Variants in IGSF21 observed in about 807,000 individuals in gnomAD.
The protein encoded by IGSF21 is immunoglobin superfamily member 21.
IGSF21 carries 28 observed loss-of-function variants against 46.8 expected under a neutral mutation model. That is an observed-to-expected ratio of 0.60 (90% CI 0.44 to 0.82). The LOEUF (loss-of-function observed/expected upper bound fraction) is 0.82, where lower values mean the gene tolerates loss of function less well. Ranked by LOEUF, IGSF21 falls within the 40% of genes least tolerant of loss-of-function variation. IGSF21 has a pLI of 0.00. For synonymous variants in IGSF21, 284 were observed against 273.6 expected, an observed-to-expected ratio of 1.04 and a Z score of -0.38; for missense variants, 624 against 665.5, an observed-to-expected ratio of 0.94 and a Z score of 0.69.
intron 3 of IGSF21, among the ~76,000 whole-genome samples, chr1:18,303,218 AATT>A (rs2085378519): frequency 6.6e-6 from 1 of 152,146 alleles, no homozygotes; most frequent in Non-Finnish European, 1.5e-5. Context: ...CCAAATATGG[AATT>A]ATGATTTCAG....
At chr1:18,227,861 T>C in intron 1 of IGSF21, 37 bp from the exon 2 acceptor site, 1 of 1,506,352 alleles carries the variant, frequency 6.6e-7, no homozygotes, top group Non-Finnish European at 9.2e-7. Context: ...TCTGATCTGC[T>C]CGTGCCCTTA....
intron 1 of IGSF21, chr1:18,112,260 A>C (rs1194021871): frequency 6.6e-6 from 1 of 152,206 alleles, no homozygotes; most frequent in East Asian, 1.9e-4. Context: ...TGCATCCAAC[A>C]AATGCTTATT....
chr1:18,227,858 T>G, intron 1 of IGSF21, 40 bp from the exon 2 acceptor site: 1 of 1,488,102 alleles, frequency 6.7e-7, no homozygotes, highest in Non-Finnish European at 9.4e-7. Flanking sequence ...CCCTCTGATC[T>G]GCTCGTGCCC....
chr1:18,277,544 G>A (rs1037997443), intron 2 of IGSF21, among the ~76,000 whole-genome samples: 2 of 152,134 alleles, frequency 1.3e-5, no homozygotes, highest in African/African-American at 4.8e-5. Context: ...ATGAAAACGT[G>A]ACTTTTTTTA....
At chr1:18,125,921 C>A (rs573384332) in intron 1 of IGSF21, among the ~76,000 whole-genome samples, 3 of 152,254 alleles carry the variant, frequency 2.0e-5, no homozygotes, top group African/African-American at 7.2e-5. Flanking sequence ...GAAAGGTAAT[C>A]AACAACTACA....
chr1:18,111,160 T>C (rs12136260), intron 1 of IGSF21: 129,655 of 152,202 alleles, frequency 0.85, 55,379 homozygotes, highest in South Asian at 0.92. Flanking sequence ...CCCTTCCCAC[T>C]GGGCGGGGCC....
At chr1:18,213,541 C>A (rs1288644785) in intron 1 of IGSF21, among the ~76,000 whole-genome samples, 1 of 152,146 alleles carries the variant, frequency 6.6e-6, no homozygotes, top group Non-Finnish European at 1.5e-5. Context: ...AGGGGCCAAG[C>A]AGGAAAGTCA....
intron 1 of IGSF21, among the ~76,000 whole-genome samples, chr1:18,155,674 C>G (rs1570275559): frequency 6.6e-6 from 1 of 152,318 alleles, no homozygotes; most frequent in Non-Finnish European, 1.5e-5. Context: ...CTTGGCAAGC[C>G]TGAAATCAAG....
At chr1:18,344,092 C>A (rs897892575) in intron 4 of IGSF21, among the ~76,000 whole-genome samples, 4 of 152,166 alleles carry the variant, frequency 2.6e-5, no homozygotes, top group African/African-American at 9.7e-5. Context: ...AGACCAGATT[C>A]TTGAACGTGA....
At position 18,236,184 on chromosome 1, in the gene IGSF21, G is replaced by A. The variant is rs140967366; in HGVS notation, c.183+8174G>A. Among the ~76,000 whole-genome samples the A allele has an allele frequency of 6.2e-3, 947 of 152,250 alleles. 3 individuals are homozygous for A. The highest frequency in any genetic ancestry group is 0.01 in the Non-Finnish European group (682 of 68,012). On this transcript the variant is annotated intron_variant, in intron 2 of 9. Transcript: ENST00000251296. ...CCATGTGTCAAGGGTGGGGCCAGGT[G>A]GAGATAATTGAATCATGGGGGCAGC... is the stretch of plus-strand genomic sequence containing the variant.
Position 18,362,168 on chromosome 1 carries a change from C to A in IGSF21, c.478C>A (p.Arg160Ser). The A allele has an allele frequency of 6.2e-7, 1 of 1,613,272 alleles. No homozygotes were observed. The highest frequency in any genetic ancestry group is 8.5e-7 in the Non-Finnish European group (1 of 1,179,744). ...TGCTGACACACCAGCCCCCTTCAGC[C>A]GCTACCAAGCCCAGAACTTCACGCT... ...VAADTPAPFSRYQAQNFTLVC... is the reference protein window; with the variant it reads ...VAADTPAPFSSYQAQNFTLVC... Residue 160 changes from arginine (R) to serine (S), a missense_variant, in exon 5 of 10, where the codon CGC (arginine) becomes AGC (serine). Arg to Ser is a moderately radical substitution (Grantham distance 110). Coordinates refer to ENST00000251296, the MANE Select transcript of IGSF21 (RefSeq NM_032880.5).
chr1:18,346,773 G>A (rs1011292103), intron 4 of IGSF21, among the ~76,000 whole-genome samples: 2 of 152,222 alleles, frequency 1.3e-5, no homozygotes, highest in African/African-American at 4.8e-5. Context: ...AGAATGAGAA[G>A]TGGGGGGCCT....
At chr1:18,369,745 C>T (rs765315884) in intron 6 of IGSF21, among the ~76,000 whole-genome samples, 25 of 152,208 alleles carry the variant, frequency 1.6e-4, no homozygotes, top group Non-Finnish European at 3.2e-4. Flanking sequence ...AATGAGCCTT[C>T]GCTCCTCCTC....
chr1:18,169,027 A>G (rs2086708583), intron 1 of IGSF21, among the ~76,000 whole-genome samples: 1 of 152,224 alleles, frequency 6.6e-6, no homozygotes, highest in Non-Finnish European at 1.5e-5. Context: ...AGGGCACAGC[A>G]CTAACCTGTG....
chr1:18,273,462 C>CTCTTTCTTTCTT (rs200010749), intron 2 of IGSF21, among the ~76,000 whole-genome samples: 1,230 of 61,910 alleles, frequency 0.02, 57 homozygotes, highest in African/African-American at 0.031. Flanking sequence ...TTCTTTCTCT[C>CTCTTTCTTTCTT]TCTTTCTTTC....
chr1:18,147,862 C>A (rs1433453500), intron 1 of IGSF21, among the ~76,000 whole-genome samples: 2 of 152,048 alleles, frequency 1.3e-5, no homozygotes, highest in Non-Finnish European at 2.9e-5. Context: ...TCCCATGTGT[C>A]GTGGGAGGGA....
In IGSF21 at chr1:18,241,569, G is replaced by A. The variant is rs143492751; in HGVS notation, c.183+13559G>A. 7.1e-4 allele frequency among the ~76,000 whole-genome samples: 108 copies of A among 152,336 alleles called. 1 individual carries two copies. The highest frequency in any genetic ancestry group is 2.2e-3 in the African/African-American group (93 of 41,580). The stretch of plus-strand genomic sequence containing the variant: ...TCCCATTGAAGGCCATAAATACCCT[G>A]TTAGGGGTTGGAGGGATTTCCCCCT... On this transcript the variant is annotated intron_variant, in intron 2 of 9. Transcript: ENST00000251296.
At chr1:18,129,318 G>A (rs1307441475) in intron 1 of IGSF21, among the ~76,000 whole-genome samples, 6 of 152,104 alleles carry the variant, frequency 3.9e-5, no homozygotes, top group African/African-American at 1.4e-4. Context: ...GGAAATGAGA[G>A]GTGGGAGAGG....
chr1:18,362,042 C>A, intron 4 of IGSF21, 73 bp from the exon 5 acceptor site: 2 of 1,103,450 alleles, frequency 1.8e-6, no homozygotes, highest in Non-Finnish European at 1.3e-6. Flanking sequence ...CGTGGCCCAT[C>A]TTAGGTCATC....
Sources: gnomAD v4.1 joint callset for allele counts (sites outside exome capture counted in the v4.1 genomes callset) on GRCh38, gnomAD v4.1.1 for gene constraint, MANE v1.5 for transcripts, NCBI Gene and HGNC (gene_info 2026-07-23, HGNC 2026-07-21) for gene names.